Variants in PTPN4 observed in about 807,000 individuals in gnomAD.
PTPN4 encodes protein tyrosine phosphatase non-receptor type 4.
In PTPN4, 49 loss-of-function variants were observed where a neutral mutation model predicts 135.5. That is an observed-to-expected ratio of 0.36 (90% CI 0.29 to 0.46). PTPN4 has a LOEUF of 0.46. Among genes scored for constraint, PTPN4 ranks in the 20% least tolerant of loss-of-function variants. PTPN4 has a pLI of 1.00. For synonymous variants in PTPN4, 333 were observed against 369.9 expected, an observed-to-expected ratio of 0.90 and a Z score of 1.14; for missense variants, 860 against 1,101.0, an observed-to-expected ratio of 0.78 and a Z score of 3.10.
chr2:119,906,440 G>A (rs1678489696), intron 10 of PTPN4, among the ~76,000 whole-genome samples: 2 of 151,702 alleles, frequency 1.3e-5, no homozygotes, highest in South Asian at 2.1e-4. Flanking sequence ...ACGTGAAAAA[G>A]AAACATTTTT....
At chr2:119,936,963 A>G (rs1678993122) in intron 15 of PTPN4, among the ~76,000 whole-genome samples, 1 of 152,216 alleles carries the variant, frequency 6.6e-6, no homozygotes, top group African/African-American at 2.4e-5. Flanking sequence ...AAGCTTAATA[A>G]TAATAACTTA....
rs70949378 is a variant in PTPN4, at chr2:119,973,655, G to GTTTTTTTTTTTTT, written c.2695-3314_2695-3302dup. Among the ~76,000 whole-genome samples, 53 of 38,392 alleles carry GTTTTTTTTTTTTT rather than the reference G, an allele frequency of 1.4e-3. 7 individuals carry two copies. The highest frequency in any genetic ancestry group is 2.5e-3 in the African/African-American group (20 of 7,952). 25.2% of individuals were successfully genotyped at this position (38,392 alleles called of 152,430 possible). On this transcript the variant is annotated intron_variant, in intron 26 of 26. Transcript: ENST00000263708. ...TTGAAAGCTTCCTCCTTCATTTCTT[G>GTTTTTTTTTTTTT]TTTTTTTTTTTTTTTTTTTTTTTTT...
chr2:119,949,949 A>G (rs754227796), intron 18 of PTPN4, among the ~76,000 whole-genome samples: 3 of 152,148 alleles, frequency 2.0e-5, no homozygotes, highest in Non-Finnish European at 4.4e-5. Context: ...ATGTGTGTAT[A>G]TATACACACA....
At chr2:119,841,778 C>T (rs960617554) in intron 2 of PTPN4, among the ~76,000 whole-genome samples, 20 of 152,050 alleles carry the variant, frequency 1.3e-4, no homozygotes, top group Admixed American at 4.6e-4. Flanking sequence ...GCTTTTACTG[C>T]GTAATCAGAT....
rs553784394 is a variant in PTPN4 at position 119,917,863 on chromosome 2, C to A, written c.829-2206C>A. 2.2e-4 allele frequency among the ~76,000 whole-genome samples: 34 copies of A among 152,284 alleles called. 1 individual carries two copies. The highest frequency in any genetic ancestry group is 1.3e-3 in the Admixed American group (20 of 15,300). ...AACTTCATACGATATACTTATCTCTCAGTACAAATTTTTTTGTGTGTTGTT... is the reference window on the plus strand; with the variant it reads ...AACTTCATACGATATACTTATCTCTAAGTACAAATTTTTTTGTGTGTTGTT... On this transcript the variant is annotated intron_variant, in intron 11 of 26. Transcript: ENST00000263708.
intron 1 of PTPN4, chr2:119,791,174 G>A (rs952239367): frequency 2.0e-5 from 3 of 149,720 alleles, no homozygotes; most frequent in Non-Finnish European, 3.0e-5. Flanking sequence ...GTGTCGTCTG[G>A]GTTGGAGTGC....
At chr2:119,879,188 A>G (rs1458022705) in intron 5 of PTPN4, among the ~76,000 whole-genome samples, 2 of 152,180 alleles carry the variant, frequency 1.3e-5, no homozygotes, top group Admixed American at 6.5e-5. Context: ...AGTTAAAACT[A>G]TGTTTATAAT....
intron 1 of PTPN4, among the ~76,000 whole-genome samples, chr2:119,807,632 A>G (rs1691497107): frequency 6.6e-6 from 1 of 152,236 alleles, no homozygotes; most frequent in African/African-American, 2.4e-5. Context: ...TCATAGCCGA[A>G]TTCTACAAGA....
chr2:119,765,151 C>G (rs1486034480), intron 1 of PTPN4, among the ~76,000 whole-genome samples: 1 of 152,188 alleles, frequency 6.6e-6, no homozygotes, highest in African/African-American at 2.4e-5. Context: ...TGTAAGGCAT[C>G]TAGCGCTGTG....
At chr2:119,909,864 A>G (rs1678543379) in intron 10 of PTPN4, among the ~76,000 whole-genome samples, 1 of 152,114 alleles carries the variant, frequency 6.6e-6, no homozygotes, top group South Asian at 2.1e-4. Context: ...GGAAATAACA[A>G]GAGAACTATT....
chr2:119,883,979 A>G (rs1297404638), intron 8 of PTPN4, among the ~76,000 whole-genome samples: 1 of 152,198 alleles, frequency 6.6e-6, no homozygotes, highest in Non-Finnish European at 1.5e-5. Context: ...AGCTCACTGC[A>G]AGCTCCGCCT....
chr2:119,912,961 C>A (rs1678595521), intron 10 of PTPN4, among the ~76,000 whole-genome samples: 1 of 152,026 alleles, frequency 6.6e-6, no homozygotes, highest in Admixed American at 6.6e-5. Context: ...TCTATATATT[C>A]TATTAATATT....
intron 2 of PTPN4, among the ~76,000 whole-genome samples, chr2:119,854,427 C>G (rs940016069): frequency 6.6e-6 from 1 of 152,186 alleles, no homozygotes; most frequent in Non-Finnish European, 1.5e-5. Flanking sequence ...AAAATAATTT[C>G]TTAATAACTC....
At chr2:119,976,688 G>C (rs1430144370) in intron 26 of PTPN4, among the ~76,000 whole-genome samples, 7 of 152,172 alleles carry the variant, frequency 4.6e-5, no homozygotes, top group African/African-American at 7.2e-5. Context: ...GGATTGCTGG[G>C]TGAAGAGGTA....
rs866786493 is a variant in PTPN4 at position 119,847,328 on chromosome 2, A to T, written c.139-15208A>T. Among the ~76,000 whole-genome samples the T allele has an allele frequency of 6.0e-3, 614 of 102,650 alleles. 19 individuals are homozygous for T. Among genetic ancestry groups the T allele is most frequent in the African/African-American group, 0.015 (344 of 22,870 alleles). 67.3% of individuals were successfully genotyped at this position (102,650 alleles called of 152,430 possible). On this transcript the variant is annotated intron_variant, in intron 2 of 26. Transcript: ENST00000263708. ...CACACACACACACATATATATATATATTTTTTTTTTTTTTTTGAGACAGAG... is the reference window on the plus strand; with the variant it reads ...CACACACACACACATATATATATATTTTTTTTTTTTTTTTTTGAGACAGAG...
intron 2 of PTPN4, among the ~76,000 whole-genome samples, chr2:119,840,548 T>C (rs577328494): frequency 6.6e-6 from 1 of 152,328 alleles, no homozygotes; most frequent in East Asian, 1.9e-4. Context: ...GTGATGAACA[T>C]AGGCATCCAT....
chr2:119,818,885 C>T (rs1375570405), intron 2 of PTPN4, among the ~76,000 whole-genome samples: 1 of 152,292 alleles, frequency 6.6e-6, no homozygotes, highest in African/African-American at 2.4e-5. Flanking sequence ...AGATATCTCT[C>T]CTCCGAGCCT....
chr2:119,789,848 G>A (rs1350933962), intron 1 of PTPN4, among the ~76,000 whole-genome samples: 2 of 151,906 alleles, frequency 1.3e-5, no homozygotes, highest in Non-Finnish European at 2.9e-5. Flanking sequence ...TCAGCCTCCT[G>A]AGTAGCTGGG....
chr2:119,901,316 T>C (rs1040823713), intron 10 of PTPN4, among the ~76,000 whole-genome samples: 1 of 152,174 alleles, frequency 6.6e-6, no homozygotes, highest in Non-Finnish European at 1.5e-5. Context: ...TACTGCCACA[T>C]CAACATGGCT....
Sources: allele counts gnomAD v4.1 joint callset (sites outside exome capture counted in the v4.1 genomes callset), GRCh38; gene constraint gnomAD v4.1.1; transcripts MANE v1.5; gene names NCBI Gene and HGNC (gene_info 2026-07-23, HGNC 2026-07-21).